TEX264: variants seen among roughly 807,000 people sequenced by gnomAD.
TEX264 encodes testis-expressed protein 264.
TEX264 carries 13 observed loss-of-function variants against 23.4 expected under a neutral mutation model. The ratio of observed to expected loss-of-function variants is 0.56; its 90% CI spans 0.36 to 0.88. The LOEUF (loss-of-function observed/expected upper bound fraction) is 0.88. TEX264 is among the 40% of genes least tolerant of loss of function. The pLI is 0.01. For missense variants in TEX264, 340 were observed against 406.8 expected, an observed-to-expected ratio of 0.84 and a Z score of 1.41; for synonymous variants, 159 against 170.0, an observed-to-expected ratio of 0.94 and a Z score of 0.50.
At chr3:51,688,829 G>A (rs1378205103) in intron 3 of TEX264, among the ~76,000 whole-genome samples, 1 of 152,114 alleles carries the variant, frequency 6.6e-6, no homozygotes, top group East Asian at 1.9e-4. Context: ...TCTTACCAGG[G>A]GCTTAAAGGG....
Position 51,674,454 on chromosome 3 carries a change from C to T in TEX264, c.150C>T (p.Tyr50=), listed in dbSNP as rs367883689. Residue 50 remains tyrosine (Y), a synonymous_variant, in exon 2 of 5, where the codon TAC becomes TAT. Transcript: ENST00000341333. ...CCATCCGCAACGTCACTGTGGCCTA[C>T]AAGTTCCACATGGGGCTCTATGGTG... The part of the protein sequence containing the change: ...SPPIRNVTVA[Y]KFHMGLYGET... 92 of 1,614,100 alleles carry T rather than the reference C, an allele frequency of 5.7e-5. No individual in the cohort carries two copies. Among genetic ancestry groups the T allele is most frequent in the Non-Finnish European group, 5.8e-5 (68 of 1,180,056 alleles).
At chr3:51,679,102 G>C (rs897562056) in intron 2 of TEX264, among the ~76,000 whole-genome samples, 1 of 152,156 alleles carries the variant, frequency 6.6e-6, no homozygotes, top group Non-Finnish European at 1.5e-5. Flanking sequence ...TGAGAGGAAG[G>C]GGCTTCGGAT....
chr3:51,690,939 C>G (rs1460830111), intron 3 of TEX264, among the ~76,000 whole-genome samples: 2 of 152,226 alleles, frequency 1.3e-5, no homozygotes, highest in African/African-American at 4.8e-5. Flanking sequence ...GTTCCGATGG[C>G]TATATGCCTT....
intron 4 of TEX264, among the ~76,000 whole-genome samples, chr3:51,701,515 G>A (rs1351642741): frequency 6.6e-6 from 1 of 152,022 alleles, no homozygotes; most frequent in East Asian, 1.9e-4. Context: ...TATAGAGATG[G>A]TGTTTCGCCA....
In TEX264 at chr3:51,684,607, C is replaced by G; in HGVS notation, c.453C>G (p.Val151=). Residue 151 remains valine (V), a synonymous_variant, in exon 3 of 5, where the codon GTC becomes GTG. Coordinates refer to ENST00000341333, the MANE Select transcript of TEX264 (RefSeq NM_015926.6). ...ILSIWLATRR[V]HPALDTYIKE... is the part of the protein sequence containing the mutation. The stretch of plus-strand genomic sequence containing the variant: ...CCATCTGGCTGGCTACCCGCCGTGT[C>G]CATCCTGCCTTGGACACCTACATCA... 1 of 1,614,246 alleles carries G rather than the reference C, an allele frequency of 6.2e-7. No individual in the cohort carries two copies. Among genetic ancestry groups the G allele is most frequent in the Non-Finnish European group, 8.5e-7 (1 of 1,180,042 alleles).
intron 3 of TEX264, among the ~76,000 whole-genome samples, chr3:51,698,475 G>T (rs1307573140): frequency 6.6e-6 from 1 of 151,724 alleles, no homozygotes; most frequent in Non-Finnish European, 1.5e-5. Flanking sequence ...GGCGGGGCAG[G>T]CTCTGAGTAA....
rs905595374 is a variant in TEX264 at position 51,679,344 on chromosome 3, C to A, written c.258+4782C>A. ...CCAGTCCTGCCTGAGGACCTCATGC[C>A]ACTGGGACTTTGTACTTTTAGGGAC... On this transcript the variant is annotated intron_variant, in intron 2 of 4. Coordinates refer to ENST00000341333, the MANE Select transcript of TEX264 (RefSeq NM_015926.6). 2.6e-5 allele frequency among the ~76,000 whole-genome samples: 4 copies of A among 152,174 alleles called. No homozygotes were observed. The South Asian group carries it at 8.3e-4, about 31-fold the overall frequency.
At chr3:51,684,773 G>A (rs1577506848) in intron 3 of TEX264, 139 bp downstream of exon 3, 1 of 762,726 alleles carries the variant, frequency 1.3e-6, no homozygotes, top group South Asian at 1.8e-5. Flanking sequence ...AGGTACCTGT[G>A]GAGCTAGGAA....
intron 3 of TEX264, among the ~76,000 whole-genome samples, chr3:51,695,125 C>CGCCA (rs1422078555): frequency 6.6e-6 from 1 of 152,202 alleles, no homozygotes; most frequent in Non-Finnish European, 1.5e-5. Flanking sequence ...AGTGAGGAGA[C>CGCCA]GCCACTACCT....
rs148561020 is a variant in TEX264 at position 51,675,459 on chromosome 3, G to A, written c.258+897G>A. On this transcript the variant is annotated intron_variant, in intron 2 of 4. Transcript: ENST00000341333. ...GCAGTCTACCCAATGTGTGCTGACC[G>A]GCTTACTGGGGCACTAGTTGAAACA... Among the ~76,000 whole-genome samples, 408 of 152,332 alleles carry A rather than the reference G, an allele frequency of 2.7e-3. 3 individuals carry two copies. The highest frequency in any genetic ancestry group is 9.4e-3 in the African/African-American group (389 of 41,570).
At chr3:51,674,591 A>C (rs771924172) in intron 2 of TEX264, 29 bp downstream of exon 2, 1 of 1,607,460 alleles carries the variant, frequency 6.2e-7, no homozygotes, top group Non-Finnish European at 8.5e-7. Flanking sequence ...GTTCTGCCCC[A>C]TGGATGGGCC....
chr3:51,696,784 A>G (rs1703075029), intron 3 of TEX264, among the ~76,000 whole-genome samples: 1 of 152,212 alleles, frequency 6.6e-6, no homozygotes, highest in African/African-American at 2.4e-5. Flanking sequence ...GAATTTTGGT[A>G]GGACCTGGTG....
chr3:51,680,521 A>G (rs1372983295), intron 2 of TEX264, among the ~76,000 whole-genome samples: 1 of 152,106 alleles, frequency 6.6e-6, no homozygotes, highest in African/African-American at 2.4e-5. Flanking sequence ...CCCAAAGGAG[A>G]TGCTCTGGGG....
At chr3:51,676,565 C>T (rs1053222826) in intron 2 of TEX264, among the ~76,000 whole-genome samples, 2 of 152,196 alleles carry the variant, frequency 1.3e-5, no homozygotes, top group Non-Finnish European at 2.9e-5. Context: ...GGCTAGCAGT[C>T]CCGAGTTCTG....
In TEX264 at chr3:51,686,659, C is replaced by CG. The variant is rs956588329; in HGVS notation, c.480+2027dup. On this transcript the variant is annotated intron_variant, in intron 3 of 4. Transcript: ENST00000341333. This position sits in a 1 kb window ranked among gnomAD's most constrained non-coding sequence, Gnocchi z 4.1. The stretch of plus-strand genomic sequence containing the variant: ...GGGGCAGGATGTGCTTGCCTGGCTG[C>CG]GGTTGGACTGGAGGTGGGGGCGGGC... Among the ~76,000 whole-genome samples the CG allele has an allele frequency of 6.8e-6, 1 of 146,212 alleles. No individual in the cohort carries two copies. Among genetic ancestry groups the CG allele is most frequent in the African/African-American group, 2.5e-5 (1 of 39,412 alleles).
chr3:51,680,269 T>A (rs1001538814), intron 2 of TEX264, among the ~76,000 whole-genome samples: 6 of 152,232 alleles, frequency 3.9e-5, no homozygotes, highest in Admixed American at 3.9e-4. Flanking sequence ...CATTTCTCAT[T>A]CCTGCATCCT....
chr3:51,691,082 G>T lies in TEX264; in HGVS notation c.480+6448G>T, dbSNP rs1702812267. Reference sequence around the variant, plus strand: ...TCTTTCTCCAACCCTGGTAGTCACAGTTGGAGGCTGAGGCTTCAGGTCTAG... The same window carrying T: ...TCTTTCTCCAACCCTGGTAGTCACATTTGGAGGCTGAGGCTTCAGGTCTAG... On this transcript the variant is annotated intron_variant, in intron 3 of 4. Coordinates refer to ENST00000341333, the MANE Select transcript of TEX264 (RefSeq NM_015926.6). This position sits in a 1 kb window ranked among gnomAD's most constrained non-coding sequence, Gnocchi z 4.4. 6.6e-6 allele frequency among the ~76,000 whole-genome samples: 1 copy of T among 152,218 alleles called. No individual in the cohort carries two copies. Among genetic ancestry groups the T allele is most frequent in the Admixed American group, 6.5e-5 (1 of 15,284 alleles).
intron 3 of TEX264, among the ~76,000 whole-genome samples, chr3:51,690,584 A>G (rs1477096555): frequency 1.3e-5 from 2 of 149,316 alleles, no homozygotes; most frequent in Non-Finnish European, 1.5e-5. Context: ...AAAGCAGGTG[A>G]GGGAGCCCCA....
At chr3:51,694,520 G>A (rs1042527733) in intron 3 of TEX264, 1 of 152,344 alleles carries the variant, frequency 6.6e-6, no homozygotes, top group Non-Finnish European at 1.5e-5. Flanking sequence ...AACTAGACCC[G>A]ACCTTGCTTA....
Sources: allele counts gnomAD v4.1 joint callset (sites outside exome capture counted in the v4.1 genomes callset), GRCh38; gene constraint gnomAD v4.1.1; non-coding constraint Gnocchi (gnomAD v3.1); transcripts MANE v1.5; gene names NCBI Gene and HGNC (gene_info 2026-07-23, HGNC 2026-07-21).